Variants in REV3L observed in about 807,000 individuals in gnomAD.
REV3L encodes the protein REV3 like, DNA directed polymerase zeta catalytic subunit.
In REV3L, 69 loss-of-function variants were observed where a neutral mutation model predicts 299.4. The observed-to-expected ratio is 0.23, with a 90% CI of 0.19 to 0.28. REV3L has a LOEUF of 0.28. Ranked by LOEUF, REV3L falls within the 10% of genes least tolerant of loss-of-function variation. The pLI is 1.00. For missense variants in REV3L, 3,128 were observed against 3,693.8 expected, an observed-to-expected ratio of 0.85 and a Z score of 3.97; for synonymous variants, 1,238 against 1,271.4, an observed-to-expected ratio of 0.97 and a Z score of 0.56.
intron 4 of REV3L, among the ~76,000 whole-genome samples, chr6:111,403,952 A>C (rs912944138): frequency 2.0e-5 from 3 of 152,230 alleles, no homozygotes; most frequent in African/African-American, 7.2e-5. Flanking sequence ...TACTGCAGAT[A>C]GGTGAAACAG....
chr6:111,430,143 T>C (rs898105471), intron 1 of REV3L: 13 of 785,544 alleles, frequency 1.7e-5, no homozygotes, highest in Admixed American at 3.4e-5. Flanking sequence ...AGACCTCCAG[T>C]GTCACGCCCC....
chr6:111,429,894 A>G (rs1786678564), intron 1 of REV3L, among the ~76,000 whole-genome samples: 1 of 152,170 alleles, frequency 6.6e-6, no homozygotes, highest in Admixed American at 6.5e-5. Flanking sequence ...AAGCCCTTGA[A>G]GCTGGTCCTC....
At position 111,367,369 on chromosome 6, in the gene REV3L, T is replaced by G. The variant is rs758553487; in HGVS notation, c.6419A>C (p.Asn2140Thr). 1 of 1,608,502 alleles carries G rather than the reference T, an allele frequency of 6.2e-7. No individual in the cohort carries two copies. Among genetic ancestry groups the G allele is most frequent in the African/African-American group, 1.3e-5 (1 of 74,554 alleles). ...QPISPDSKALNGDDRPSSPVE... is the reference protein window; with the variant it reads ...QPISPDSKALTGDDRPSSPVE... ...TGGTGATGAGGGTCTATCATCTCCA[T>G]TTAATGCTTTGGAATCTGGGGATAT... is the stretch of plus-strand genomic sequence containing the variant. The change falls in exon 14 of 32, where the codon AAT becomes ACT. Residue 2140 changes from asparagine (N) to threonine (T), a missense_variant. Asn to Thr is a moderately conservative substitution (Grantham distance 65). Around this residue, in one of 9 missense-constraint regions of REV3L, gnomAD observed 2,409 missense variants for 2,611.8 expected, o/e 0.92. Coordinates refer to ENST00000368802, the MANE Select transcript of REV3L (RefSeq NM_001372078.1).
At chr6:111,307,970 G>T (rs1772519828) in intron 30 of REV3L, 1 of 284,964 alleles carries the variant, frequency 3.5e-6, no homozygotes, top group Non-Finnish European at 6.9e-6. Flanking sequence ...GGTGTGTGAT[G>T]TTCCCCGCCC....
At chr6:111,333,055 A>C in intron 23 of REV3L, 68 bp downstream of exon 23, 1 of 1,553,802 alleles carries the variant, frequency 6.4e-7, no homozygotes, top group Non-Finnish European at 8.8e-7. Context: ...AGACACTCAG[A>C]AAGTGTCTAA....
chr6:111,472,855 T>A (rs141804558), intron 1 of REV3L, among the ~76,000 whole-genome samples: 1 of 152,308 alleles, frequency 6.6e-6, no homozygotes, highest in East Asian at 1.9e-4. Flanking sequence ...TAGGCTGTCA[T>A]TAAGAGGGTC....
At chr6:111,317,023 A>C (rs1443654402) in intron 26 of REV3L, among the ~76,000 whole-genome samples, 1 of 152,242 alleles carries the variant, frequency 6.6e-6, no homozygotes, top group Admixed American at 6.5e-5. Context: ...GTAATGGTTA[A>C]TAAATATTTA....
At chr6:111,417,999 C>G (rs1438447025) in intron 1 of REV3L, among the ~76,000 whole-genome samples, 2 of 152,154 alleles carry the variant, frequency 1.3e-5, no homozygotes, top group African/African-American at 4.8e-5. Context: ...AAATAGAGAA[C>G]ATTCAAACTA....
intron 9 of REV3L, among the ~76,000 whole-genome samples, chr6:111,383,091 T>C (rs1442695928): frequency 1.3e-5 from 2 of 152,110 alleles, no homozygotes; most frequent in Non-Finnish European, 2.9e-5. Context: ...TAAACACAAG[T>C]GACACTCAGG....
intron 1 of REV3L, among the ~76,000 whole-genome samples, chr6:111,432,864 G>C (rs1256814574): frequency 6.6e-6 from 1 of 151,834 alleles, no homozygotes. Context: ...TGGCCACAAT[G>C]GAATAAAACT....
chr6:111,322,639 C>G lies in REV3L; in HGVS notation c.8281G>C (p.Glu2761Gln). The change falls in exon 26 of 32, where the codon GAA (glutamate) becomes CAA (glutamine). Residue 2761 changes from glutamate to glutamine, a missense_variant. Physicochemically the swap from Glu to Gln is conservative, Grantham distance 29. Coordinates refer to ENST00000368802, the MANE Select transcript of REV3L (RefSeq NM_001372078.1). ...SIVHKARETL[E>Q]RAIKLVNDTK... is the part of the protein sequence containing the mutation. ...TCATTCACCAGTTTAATAGCTCGTT[C>G]CAAGGTCTCTCTGGCTTTGTGAACA... 1 of 1,614,108 alleles carries G rather than the reference C, an allele frequency of 6.2e-7. No individual in the cohort carries two copies. Among genetic ancestry groups the G allele is most frequent in the South Asian group, 1.1e-5 (1 of 91,072 alleles).
chr6:111,316,391 C>T (rs532314589), intron 26 of REV3L, among the ~76,000 whole-genome samples: 8 of 151,934 alleles, frequency 5.3e-5, no homozygotes, highest in East Asian at 1.9e-4. Flanking sequence ...TGGCTGGGTG[C>T]GGTGGCTCAC....
intron 3 of REV3L, among the ~76,000 whole-genome samples, chr6:111,407,510 A>G (rs1453743112): frequency 6.6e-6 from 1 of 152,242 alleles, no homozygotes; most frequent in Non-Finnish European, 1.5e-5. Context: ...GATTGTTTTA[A>G]GGCACCATAA....
intron 3 of REV3L, 81 bp from the exon 4 acceptor site, chr6:111,405,711 G>C (rs993232894): frequency 1.1e-6 from 1 of 922,050 alleles, no homozygotes; most frequent in Non-Finnish European, 1.6e-6. Flanking sequence ...GAAATATACA[G>C]AACAAAGCAC....
chr6:111,329,104 C>T (rs1044098922), intron 25 of REV3L, among the ~76,000 whole-genome samples: 2 of 151,602 alleles, frequency 1.3e-5, no homozygotes, highest in South Asian at 2.1e-4. Context: ...AGTGCAATGG[C>T]GCGATCTTGG....
chr6:111,372,240 T>C (rs2115059275), intron 13 of REV3L, among the ~76,000 whole-genome samples: 1 of 152,304 alleles, frequency 6.6e-6, no homozygotes, highest in East Asian at 1.9e-4. Context: ...AAGTTTAACA[T>C]TTAAAAATTA....
intron 18 of REV3L, among the ~76,000 whole-genome samples, chr6:111,352,101 G>A (rs1324769816): frequency 6.6e-6 from 1 of 151,778 alleles, no homozygotes; most frequent in African/African-American, 2.4e-5. Context: ...CTGCTTCCCA[G>A]GTTCAAACGA....
chr6:111,318,678 C>A (rs891631362), intron 26 of REV3L, among the ~76,000 whole-genome samples: 1 of 152,076 alleles, frequency 6.6e-6, no homozygotes, highest in Non-Finnish European at 1.5e-5. Context: ...TCAAGCGATT[C>A]TCCTGCCTCA....
chr6:111,453,050 G>T (rs1335870671), intron 1 of REV3L, among the ~76,000 whole-genome samples: 1 of 151,838 alleles, frequency 6.6e-6, no homozygotes, highest in East Asian at 1.9e-4. Flanking sequence ...TCAATAATAA[G>T]AACAATCTGA....
Sources: gnomAD v4.1 joint callset for allele counts (sites outside exome capture counted in the v4.1 genomes callset) on GRCh38, gnomAD v4.1.1 for gene constraint, gnomAD v4.1.1 regional missense constraint, MANE v1.5 for transcripts, NCBI Gene and HGNC (gene_info 2026-07-23, HGNC 2026-07-21) for gene names.